Variants in ABLIM2 observed in about 807,000 individuals in gnomAD.
The protein encoded by ABLIM2 is actin-binding LIM protein 2.
ABLIM2 carries 53 observed loss-of-function variants against 97.7 expected under a neutral mutation model. The ratio of observed to expected loss-of-function variants is 0.54; its 90% confidence interval spans 0.44 to 0.68. The LOEUF (loss-of-function observed/expected upper bound fraction) is 0.68. ABLIM2 is among the 30% of genes least tolerant of loss of function. The probability of loss-of-function intolerance (pLI) is 0.00; values close to 1 mark genes in which losing one functional copy is unlikely to be tolerated. For synonymous variants in ABLIM2, 361 were observed against 345.8 expected (o/e 1.04, Z -0.49); for missense variants, 835 against 867.2 (o/e 0.96, Z 0.47).
intron 5 of ABLIM2, 140 bp from the exon 6 acceptor site, chr4:8,077,861 C>T: frequency 2.9e-6 from 2 of 679,050 alleles, no homozygotes; most frequent in Non-Finnish European, 5.2e-6. Context: ...ATGCTTCCAA[C>T]AGGCAGTGTC....
Position 8,005,819 on chromosome 4 carries a change from A to G in ABLIM2, c.1618+2240T>C, listed in dbSNP as rs964067072. Among the ~76,000 whole-genome samples the G allele has an allele frequency of 1.3e-5, 2 of 152,268 alleles. No individual in the cohort carries two copies. Among genetic ancestry groups the G allele is most frequent in the South Asian group, 2.1e-4 (1 of 4,838 alleles). On this transcript the variant is annotated intron_variant, in intron 16 of 20. Coordinates refer to ENST00000447017, the MANE Select transcript of ABLIM2 (RefSeq NM_001130083.2). The surrounding 1 kb of genome is among the most constrained non-coding windows in gnomAD (Gnocchi z 4.9). ...CAGGAGAAAGCGAAGGAAGGACAGC[A>G]TCATAGCCACATCTTCATAAGCAGG...
At position 8,128,059 on chromosome 4, in the gene ABLIM2, C is replaced by T. The variant is rs556136219; in HGVS notation, c.11-21422G>A. Reference sequence around the variant, plus strand: ...GTCTGACATGAAGGTGCCAGCAGGACCCTGCTCTTCACAGGGGTATAGGGA... The same window carrying T: ...GTCTGACATGAAGGTGCCAGCAGGATCCTGCTCTTCACAGGGGTATAGGGA... On this transcript the variant is annotated intron_variant, in intron 1 of 20. Coordinates refer to ENST00000447017, the MANE Select transcript of ABLIM2 (RefSeq NM_001130083.2). The surrounding 1 kb of genome is among the most constrained non-coding windows in gnomAD (Gnocchi z 4.9). Among the ~76,000 whole-genome samples the T allele has an allele frequency of 7.2e-5, 11 of 152,298 alleles. No homozygotes were observed. In the South Asian group the frequency reaches 2.1e-3, roughly 29 times the overall value.
chr4:8,063,238 G>A (rs568472762), intron 6 of ABLIM2, among the ~76,000 whole-genome samples: 1 of 152,284 alleles, frequency 6.6e-6, no homozygotes, highest in African/African-American at 2.4e-5. Context: ...GCTAATTTTT[G>A]TATTTTTAGT....
intron 6 of ABLIM2, among the ~76,000 whole-genome samples, chr4:8,064,460 A>G (rs1173940687): frequency 3.3e-5 from 5 of 152,190 alleles, no homozygotes; most frequent in African/African-American, 1.2e-4. Flanking sequence ...GCCCCTCACC[A>G]TGGGACTCTG....
intron 2 of ABLIM2, among the ~76,000 whole-genome samples, chr4:8,105,847 T>C (rs1561448461): frequency 6.6e-6 from 1 of 152,246 alleles, no homozygotes; most frequent in Non-Finnish European, 1.5e-5. Context: ...GCACATGCGT[T>C]ATCTTTGTAT....
Position 8,095,066 on chromosome 4 carries a change from C to CTTTA in ABLIM2, c.338+2032_338+2033insTAAA, listed in dbSNP as rs1830833042. 7.3e-6 allele frequency among the ~76,000 whole-genome samples: 1 copy of CTTTA among 137,726 alleles called. No homozygotes were observed. The highest frequency in any genetic ancestry group is 7.6e-5 in the Admixed American group (1 of 13,138). The allele number at this position is 137,726 out of a possible 152,430, so 90.4% of individuals were successfully genotyped here. A position where few individuals can be genotyped will look rare whatever the true frequency, so the allele number is the denominator to read the frequency against. On this transcript the variant is annotated intron_variant, in intron 3 of 20. Transcript: ENST00000447017. The surrounding 1 kb of genome is among the most constrained non-coding windows in gnomAD (Gnocchi z 4.7). Reference sequence around the variant, plus strand: ...CTTCCTTCTTTCTTTCTTTCTCTTTCTTTCTTTCTCTCTCTCTCTCTTTCT... The same window carrying CTTTA: ...CTTCCTTCTTTCTTTCTTTCTCTTTCTTTATTTCTTTCTCTCTCTCTCTCTTTCT...
rs1723156903 is a variant in ABLIM2 at position 7,966,775 on chromosome 4, G to C, written c.*215C>G. The C allele has an allele frequency of 5.3e-6, 3 of 561,304 alleles. No homozygotes were observed. The highest frequency in any genetic ancestry group is 9.5e-6 in the Non-Finnish European group (3 of 314,518). The allele number at this position is 561,304 out of a possible 1,614,324, so 34.8% of individuals were successfully genotyped here. On this transcript the variant is annotated 3_prime_UTR_variant, in exon 21 of 21. Transcript: ENST00000447017. ...CTCCCTGACACCAAGCCACAGCGGG[G>C]AAGGGTGGCGTGAAGCTAGCCGTCT... is the stretch of plus-strand genomic sequence containing the variant.
intron 9 of ABLIM2, among the ~76,000 whole-genome samples, chr4:8,039,383 G>C (rs966314594): frequency 6.6e-6 from 1 of 152,154 alleles, no homozygotes; most frequent in Admixed American, 6.5e-5. Flanking sequence ...ACCCAGCCCT[G>C]ACAGCAGGGG....
chr4:8,109,646 T>A (rs372308109), intron 1 of ABLIM2, among the ~76,000 whole-genome samples: 3 of 152,266 alleles, frequency 2.0e-5, no homozygotes, highest in African/African-American at 7.2e-5. Context: ...TGGGTCATGC[T>A]GGGGCCGCAG....
At chr4:7,983,026 C>T (rs939310086) in intron 20 of ABLIM2, among the ~76,000 whole-genome samples, 1 of 152,208 alleles carries the variant, frequency 6.6e-6, no homozygotes, top group Non-Finnish European at 1.5e-5. Flanking sequence ...TCTTACAAAG[C>T]CTTCCCTGCC....
Position 8,112,658 on chromosome 4 carries a change from C to T in ABLIM2, c.11-6021G>A, listed in dbSNP as rs1457627591. ...GGCAAGACAGTAAATACAGTGTAGG[C>T]CCCAGGGACACCACAGTGAACACAA... On this transcript the variant is annotated intron_variant, in intron 1 of 20. Transcript: ENST00000447017. This position sits in a 1 kb window ranked among gnomAD's most constrained non-coding sequence, Gnocchi z 4.2. Among the ~76,000 whole-genome samples, 1 of 152,150 alleles carries T rather than the reference C, an allele frequency of 6.6e-6. No homozygotes were observed. Among genetic ancestry groups the T allele is most frequent in the Admixed American group, 6.5e-5 (1 of 15,286 alleles).
rs928893335 is a variant in ABLIM2 at position 8,001,755 on chromosome 4, C to T, written c.1618+6304G>A. 1.8e-4 allele frequency among the ~76,000 whole-genome samples: 28 copies of T among 152,160 alleles called. No individual in the cohort carries two copies. Among genetic ancestry groups the T allele is most frequent in the Admixed American group, 3.9e-4 (6 of 15,288 alleles). On this transcript the variant is annotated intron_variant, in intron 16 of 20. Coordinates refer to ENST00000447017, the MANE Select transcript of ABLIM2 (RefSeq NM_001130083.2). This position sits in a 1 kb window ranked among gnomAD's most constrained non-coding sequence, Gnocchi z 4.2. ...CAGCTCTCCCTGGGCTGTCCCTCCA[C>T]GCCCTTTCTGCAGGATCAGCCCTGC...
chr4:8,106,257 C>T (rs1039355977), intron 2 of ABLIM2, among the ~76,000 whole-genome samples: 8 of 152,320 alleles, frequency 5.3e-5, no homozygotes, highest in Admixed American at 3.9e-4. Flanking sequence ...CGAGGACACC[C>T]CTAGGGACCT....
At position 8,004,874 on chromosome 4, in the gene ABLIM2, C is replaced by T. The variant is rs1020201741; in HGVS notation, c.1618+3185G>A. On this transcript the variant is annotated intron_variant, in intron 16 of 20. Coordinates refer to ENST00000447017, the MANE Select transcript of ABLIM2 (RefSeq NM_001130083.2). The surrounding 1 kb of genome is among the most constrained non-coding windows in gnomAD (Gnocchi z 5.9). ...TAATAAAATATAGATTTCACTATGA[C>T]GCCCTCTTTGGAGGGGTGGCAATGC... Among the ~76,000 whole-genome samples, 7 of 152,204 alleles carry T rather than the reference C, an allele frequency of 4.6e-5. No homozygotes were observed. The highest frequency in any genetic ancestry group is 9.7e-5 in the African/African-American group (4 of 41,440).
chr4:8,012,747 C>A (rs1207761474), intron 14 of ABLIM2, among the ~76,000 whole-genome samples: 1 of 151,778 alleles, frequency 6.6e-6, no homozygotes, highest in Non-Finnish European at 1.5e-5. Flanking sequence ...CTCATCTATC[C>A]ATCCATCCAT....
intron 5 of ABLIM2, among the ~76,000 whole-genome samples, chr4:8,078,326 C>T (rs1350480206): frequency 1.3e-5 from 2 of 152,238 alleles, no homozygotes; most frequent in Non-Finnish European, 2.9e-5. Flanking sequence ...ACGTATGCGT[C>T]CATCCCCTCT....
At chr4:8,079,041 T>C (rs1423668895) in intron 5 of ABLIM2, among the ~76,000 whole-genome samples, 1 of 152,268 alleles carries the variant, frequency 6.6e-6, no homozygotes, top group African/African-American at 2.4e-5. Flanking sequence ...AGCTCCGGGC[T>C]GTTGCTAGGT....
chr4:8,024,700 G>A (rs771056221), intron 12 of ABLIM2, among the ~76,000 whole-genome samples: 2 of 152,216 alleles, frequency 1.3e-5, no homozygotes, highest in African/African-American at 2.4e-5. Context: ...ATTTGTGAAC[G>A]GGACCCCGGG....
chr4:8,069,948 T>G lies in ABLIM2; in HGVS notation c.675+7680A>C, dbSNP rs1810697023. On this transcript the variant is annotated intron_variant, in intron 6 of 20. Coordinates refer to ENST00000447017, the MANE Select transcript of ABLIM2 (RefSeq NM_001130083.2). The surrounding 1 kb of genome is among the most constrained non-coding windows in gnomAD (Gnocchi z 4.2). Reference sequence around the variant, plus strand: ...TCTGTGTGTTTATTTCCATGTGTGTTGTTTGTGTGCCTAAGCGTGCTGTCT... The same window carrying G: ...TCTGTGTGTTTATTTCCATGTGTGTGGTTTGTGTGCCTAAGCGTGCTGTCT... 6.6e-6 allele frequency among the ~76,000 whole-genome samples: 1 copy of G among 152,082 alleles called. No individual in the cohort carries two copies. Among genetic ancestry groups the G allele is most frequent in the Non-Finnish European group, 1.5e-5 (1 of 68,004 alleles).
Sources: gnomAD v4.1 joint callset for allele counts (sites outside exome capture counted in the v4.1 genomes callset) on GRCh38, gnomAD v4.1.1 for gene constraint, Gnocchi (gnomAD v3.1) non-coding constraint, MANE v1.5 for transcripts, NCBI Gene and HGNC (gene_info 2026-07-23, HGNC 2026-07-21) for gene names.